ACBD6: variants seen among roughly 807,000 people sequenced by gnomAD.
The protein encoded by ACBD6 is acyl-CoA-binding domain-containing protein 6.
A neutral mutation model predicts 37.2 loss-of-function variants in ACBD6; 28 were observed. The ratio of observed to expected loss-of-function variants is 0.75; its 90% CI spans 0.56 to 1.03. ACBD6 has a LOEUF of 1.03. Among genes scored for constraint, ACBD6 ranks in the 50% least tolerant of loss-of-function variants. ACBD6 has a pLI of 0.00. For synonymous variants in ACBD6, 113 were observed against 126.8 expected (o/e 0.89, Z 0.73); for missense variants, 340 against 337.4 (o/e 1.01, Z -0.06).
intron 3 of ACBD6, among the ~76,000 whole-genome samples, chr1:180,474,425 C>T (rs894297814): frequency 7.9e-5 from 12 of 151,366 alleles, no homozygotes; most frequent in South Asian, 4.2e-4. Flanking sequence ...AGAAATACAA[C>T]ATAAAACATA....
intron 5 of ACBD6, among the ~76,000 whole-genome samples, chr1:180,408,391 T>C (rs1205602328): frequency 1.3e-5 from 2 of 152,092 alleles, no homozygotes; most frequent in Non-Finnish European, 2.9e-5. Context: ...AAATTGGAAA[T>C]CATCATTCTC....
downstream of ACBD6, among the ~76,000 whole-genome samples, chr1:180,287,941 A>G (rs931233709): frequency 6.6e-6 from 1 of 152,214 alleles, no homozygotes; most frequent in Non-Finnish European, 1.5e-5. Flanking sequence ...GCCTATTCAG[A>G]CCATGTGTAC....
Position 180,439,379 on chromosome 1 carries a change from T to C in ACBD6, c.385-9117A>G, listed in dbSNP as rs900361412. On this transcript the variant is annotated intron_variant, in intron 3 of 7. Transcript: ENST00000367595. ...GCGGGTGGATCACAAGGTCAGGAGA[T>C]CGAGACCATCCTGGCTAACATGGTG... is the stretch of plus-strand genomic sequence containing the variant. Among the ~76,000 whole-genome samples, 11 of 152,128 alleles carry C rather than the reference T, an allele frequency of 7.2e-5. No individual in the cohort carries two copies. In the South Asian group the frequency reaches 1.2e-3, roughly 17 times the overall value.
At chr1:180,390,028 T>C (rs1457339001) in intron 6 of ACBD6, among the ~76,000 whole-genome samples, 1 of 151,992 alleles carries the variant, frequency 6.6e-6, no homozygotes, top group Non-Finnish European at 1.5e-5. Context: ...TTGTCAATTC[T>C]GGCTTTTGTT....
intron 3 of ACBD6, among the ~76,000 whole-genome samples, chr1:180,477,613 T>TA (rs1159431359): frequency 6.6e-6 from 1 of 152,166 alleles, no homozygotes; most frequent in South Asian, 2.1e-4. Context: ...CCTTATAATT[T>TA]AAAAAACAGA....
At chr1:180,468,560 A>G (rs1358930743) in intron 3 of ACBD6, among the ~76,000 whole-genome samples, 1 of 152,134 alleles carries the variant, frequency 6.6e-6, no homozygotes, top group African/African-American at 2.4e-5. Flanking sequence ...TTTATCTTAC[A>G]TTTCTTGATT....
chr1:180,274,556 G>A (rs763458380), intron 10 of ACBD6: 2 of 1,588,640 alleles, frequency 1.3e-6, no homozygotes, highest in Admixed American at 1.7e-5. Context: ...TTGGCTCGAT[G>A]AAATGGATCA....
chr1:180,294,364 C>G (rs1475729226), intron 7 of ACBD6, among the ~76,000 whole-genome samples: 3 of 151,736 alleles, frequency 2.0e-5, no homozygotes, highest in Non-Finnish European at 4.4e-5. Flanking sequence ...CATGGTGAAA[C>G]CCTGTCTGTA....
intron 6 of ACBD6, among the ~76,000 whole-genome samples, chr1:180,393,048 G>T (rs35966816): frequency 0.021 from 3,178 of 152,248 alleles, 46 homozygotes; most frequent in Non-Finnish European, 0.029. Flanking sequence ...TTTCTTCAGG[G>T]CTTGAAAAAT....
At chr1:180,285,607 TTGTC>T (rs1360218620), downstream of ACBD6, among the ~76,000 whole-genome samples, 8 of 152,312 alleles carry the variant, frequency 5.3e-5, no homozygotes, top group South Asian at 4.1e-4. Flanking sequence ...AAGCATATAT[TTGTC>T]TGGACGCTCA....
chr1:180,392,779 C>G (rs2101944269), intron 6 of ACBD6, among the ~76,000 whole-genome samples: 1 of 146,280 alleles, frequency 6.8e-6, no homozygotes, highest in Admixed American at 6.8e-5. Context: ...TTTTTGAAAT[C>G]TTTTATAAGA....
chr1:180,320,465 A>T (rs1651025329), intron 6 of ACBD6, among the ~76,000 whole-genome samples: 1 of 151,298 alleles, frequency 6.6e-6, no homozygotes, highest in Non-Finnish European at 1.5e-5. Context: ...GCGAAACCCC[A>T]TCTCTATTAA....
chr1:180,418,931 T>C (rs1425771260), intron 4 of ACBD6, among the ~76,000 whole-genome samples: 1 of 152,166 alleles, frequency 6.6e-6, no homozygotes, highest in Non-Finnish European at 1.5e-5. Context: ...TAATAAAGTG[T>C]TTTTTTGTGT....
intron 7 of ACBD6, among the ~76,000 whole-genome samples, chr1:180,311,272 A>C (rs1650580453): frequency 6.6e-6 from 1 of 152,132 alleles, no homozygotes. Context: ...GAAATGACAA[A>C]AACATGAAGC....
intron 3 of ACBD6, among the ~76,000 whole-genome samples, chr1:180,449,048 TAC>T (rs538402305): frequency 1.0e-3 from 155 of 152,304 alleles, no homozygotes; most frequent in African/African-American, 3.7e-3. Context: ...TGAATAGGAA[TAC>T]ACAAATAAAT....
intron 6 of ACBD6, among the ~76,000 whole-genome samples, chr1:180,378,644 A>C (rs1653529484): frequency 6.6e-6 from 1 of 152,230 alleles, no homozygotes. Context: ...GTTGGATTCA[A>C]GACAGAAAGC....
At chr1:180,495,626 G>T in intron 1 of ACBD6, 101 bp from the exon 2 acceptor site, 1 of 888,148 alleles carries the variant, frequency 1.1e-6, no homozygotes, top group Non-Finnish European at 1.8e-6. Context: ...CCATAGGTTG[G>T]AAAATATTTG....
chr1:180,372,922 T>A (rs1442267682), intron 6 of ACBD6, among the ~76,000 whole-genome samples: 1 of 152,184 alleles, frequency 6.6e-6, no homozygotes, highest in Non-Finnish European at 1.5e-5. Flanking sequence ...GCTATTGATC[T>A]GCCTGGTCCT....
intron 6 of ACBD6, among the ~76,000 whole-genome samples, chr1:180,392,499 A>G (rs1036005271): frequency 6.6e-6 from 1 of 152,206 alleles, no homozygotes; most frequent in Admixed American, 6.5e-5. Flanking sequence ...TGGGCTTTGG[A>G]GTCAGAATAT....
Sources: gnomAD v4.1 joint callset for allele counts (sites outside exome capture counted in the v4.1 genomes callset) on GRCh38, gnomAD v4.1.1 for gene constraint, MANE v1.5 for transcripts, NCBI Gene and HGNC (gene_info 2026-07-23, HGNC 2026-07-21) for gene names.